Variants in CMYA5 observed in about 807,000 individuals in gnomAD.
CMYA5 encodes cardiomyopathy-associated protein 5.
CMYA5 carries 246 observed loss-of-function variants against 318.9 expected under a neutral mutation model. The ratio of observed to expected loss-of-function variants is 0.77; its 90% CI spans 0.70 to 0.86. The LOEUF (loss-of-function observed/expected upper bound fraction) is 0.86, where lower values mean the gene tolerates loss of function less well. CMYA5 is among the 40% of genes least tolerant of loss of function. The pLI, the probability that CMYA5 is intolerant of heterozygous loss-of-function variation, is 0.00. For missense variants in CMYA5, 4,589 were observed against 4,678.2 expected (o/e 0.98, Z 0.56); for synonymous variants, 1,641 against 1,729.5 (o/e 0.95, Z 1.27).
chr5:79,742,212 C>G (rs1828230667), intron 2 of CMYA5, among the ~76,000 whole-genome samples: 1 of 147,850 alleles, frequency 6.8e-6, no homozygotes, highest in South Asian at 2.2e-4. Flanking sequence ...TCTTCTTTGA[C>G]AGGGTCTCAC....
chr5:79,744,628 A>T (rs1197430083), intron 3 of CMYA5, among the ~76,000 whole-genome samples: 1 of 152,198 alleles, frequency 6.6e-6, no homozygotes, highest in Admixed American at 6.5e-5. Flanking sequence ...ATCAACTAGT[A>T]CATGCTAGTT....
rs769144221 is a variant in CMYA5 at position 79,729,690 on chromosome 5, A to G, written c.925A>G (p.Lys309Glu). ...VFPPWRGALS[K>E]GSESLTLMFS... ...TCCACCCTGGAGAGGCGCACTCTCC[A>G]AAGGATCAGAGTCCCTAACCTTAAT... Residue 309 changes from lysine (K) to glutamate (E), a missense_variant, in exon 2 of 13, where the codon AAA becomes GAA. This residue lies in a region of CMYA5 where 2,132 missense variants were observed against 2,131.3 expected (regional missense o/e 1.00). Transcript: ENST00000446378. 3.7e-6 allele frequency: 6 copies of G among 1,613,874 alleles called. No homozygotes were observed. In the African/African-American group the frequency reaches 4.0e-5, roughly 11 times the overall value.
chr5:79,704,630 G>A (rs1332639207), intron 1 of CMYA5, among the ~76,000 whole-genome samples: 1 of 152,014 alleles, frequency 6.6e-6, no homozygotes, highest in South Asian at 2.1e-4. Context: ...TAATCTCTTT[G>A]GGAAATAATT....
chr5:79,690,459 C>A (rs1393228822), intron 1 of CMYA5, among the ~76,000 whole-genome samples: 1 of 152,058 alleles, frequency 6.6e-6, no homozygotes, highest in Non-Finnish European at 1.5e-5. Flanking sequence ...CGATGAATGG[C>A]GGTCTCCCCG....
At position 79,729,071 on chromosome 5, in the gene CMYA5, G is replaced by A. The variant is rs757816365; in HGVS notation, c.306G>A (p.Gln102=). The part of the protein sequence containing the change: ...SSTPWASEES[Q]TSGVCSREGS... ...CTCCTTGGGCTTCAGAAGAAAGTCA[G>A]ACTTCTGGTGTGTGTAGTCGGGAAG... Residue 102 remains glutamine (Q), a synonymous_variant, in exon 2 of 13, where the codon CAG becomes CAA. Transcript: ENST00000446378. The A allele has an allele frequency of 6.8e-6, 11 of 1,613,802 alleles. No homozygotes were observed. Among genetic ancestry groups the A allele is most frequent in the Admixed American group, 6.7e-5 (4 of 59,992 alleles).
intron 1 of CMYA5, among the ~76,000 whole-genome samples, chr5:79,698,658 A>G (rs1827118412): frequency 2.6e-5 from 4 of 152,190 alleles, no homozygotes. Context: ...GCCCTGCCAC[A>G]TGGGCTTAGT....
At chr5:79,742,048 CTCTTCTTCTTCTTCTTCTTCTTCTTCT>C (rs200715392) in intron 2 of CMYA5, among the ~76,000 whole-genome samples, 1,032 of 102,510 alleles carry the variant, frequency 0.01, 18 homozygotes, top group African/African-American at 0.049. Context: ...CCTCTTTCTC[CTCTTCTTCTTCTTCTTCTTCTTCTTCT>C]TCTTCTTCTT....
At chr5:79,754,029 C>A (rs1828481635) in intron 6 of CMYA5, among the ~76,000 whole-genome samples, 1 of 152,158 alleles carries the variant, frequency 6.6e-6, no homozygotes, top group South Asian at 2.1e-4. Flanking sequence ...TTTTAGAGGT[C>A]ACAGAGTTAA....
At chr5:79,798,667 A>G (rs1829318279) in intron 12 of CMYA5, among the ~76,000 whole-genome samples, 2 of 152,200 alleles carry the variant, frequency 1.3e-5, no homozygotes, top group Admixed American at 6.5e-5. Context: ...CCAGAGGGCA[A>G]GGACAGCACT....
At chr5:79,763,520 T>G in intron 9 of CMYA5, 1 of 293,726 alleles carries the variant, frequency 3.4e-6, no homozygotes. Flanking sequence ...ATTTTATGGG[T>G]TTTTTACTAG....
intron 1 of CMYA5, among the ~76,000 whole-genome samples, chr5:79,698,180 A>G (rs187770317): frequency 6.6e-6 from 1 of 152,312 alleles, no homozygotes; most frequent in East Asian, 1.9e-4. Flanking sequence ...GGACATGAGA[A>G]GAGATTGAGA....
chr5:79,699,995 G>C (rs1827144368), intron 1 of CMYA5, among the ~76,000 whole-genome samples: 1 of 152,242 alleles, frequency 6.6e-6, no homozygotes, highest in Admixed American at 6.5e-5. Flanking sequence ...CCAAGCCCAA[G>C]AGAGGAATGC....
intron 2 of CMYA5, among the ~76,000 whole-genome samples, chr5:79,740,352 A>G (rs958964528): frequency 6.6e-6 from 1 of 152,198 alleles, no homozygotes; most frequent in African/African-American, 2.4e-5. Context: ...ATAGTCCTTA[A>G]CATTACCAAA....
chr5:79,745,305 A>G lies in CMYA5; in HGVS notation c.10818A>G (p.Lys3606=). ...AGGTTTTAGCACAGTATGATGAGAA[A>G]GCCCAGAGCTTTGAGGAAGTGAAGA... The part of the protein sequence containing the change: ...MKKVLAQYDE[K]AQSFEEVKKK... The change falls in exon 4 of 13, where the codon AAA becomes AAG. Residue 3606 remains lysine, a synonymous_variant. Transcript: ENST00000446378. 1 of 1,613,842 alleles carries G rather than the reference A, an allele frequency of 6.2e-7. No homozygotes were observed. The highest frequency in any genetic ancestry group is 2.2e-5 in the East Asian group (1 of 44,852).
chr5:79,796,728 TAA>T (rs1013036004), intron 12 of CMYA5, among the ~76,000 whole-genome samples: 5 of 152,206 alleles, frequency 3.3e-5, no homozygotes, highest in African/African-American at 1.2e-4. Context: ...TTCATGAAGC[TAA>T]TAGTCTACTG....
chr5:79,719,309 G>T (rs1375410455), intron 1 of CMYA5, among the ~76,000 whole-genome samples: 1 of 152,088 alleles, frequency 6.6e-6, no homozygotes, highest in Non-Finnish European at 1.5e-5. Context: ...TTCCACTCAT[G>T]ATTCTAATAA....
chr5:79,694,362 T>C (rs1402858569), intron 1 of CMYA5, among the ~76,000 whole-genome samples: 1 of 152,252 alleles, frequency 6.6e-6, no homozygotes, highest in Non-Finnish European at 1.5e-5. Context: ...CATGGTTTCC[T>C]GTATGGAGAG....
intron 9 of CMYA5, among the ~76,000 whole-genome samples, chr5:79,784,882 G>C (rs911467964): frequency 1.3e-5 from 2 of 151,778 alleles, no homozygotes; most frequent in African/African-American, 4.8e-5. Context: ...CGTCTTCTGC[G>C]TCGCTCACGC....
chr5:79,764,871 G>T (rs1423497149), intron 9 of CMYA5, among the ~76,000 whole-genome samples: 1 of 151,912 alleles, frequency 6.6e-6, no homozygotes, highest in Non-Finnish European at 1.5e-5. Flanking sequence ...TAAGTTCCTT[G>T]TAGATTCTGG....
Sources: gnomAD v4.1 joint callset for allele counts (sites outside exome capture counted in the v4.1 genomes callset) on GRCh38, gnomAD v4.1.1 for gene constraint, gnomAD v4.1.1 regional missense constraint, MANE v1.5 for transcripts, NCBI Gene and HGNC (gene_info 2026-07-23, HGNC 2026-07-21) for gene names.